Variants in ADAMTSL1 observed in about 807,000 individuals in gnomAD.
ADAMTSL1 encodes ADAMTS-like protein 1.
A neutral mutation model predicts 201.8 loss-of-function variants in ADAMTSL1; 126 were observed. The observed-to-expected ratio is 0.62, with a 90% CI of 0.54 to 0.72. The LOEUF is 0.72. Among genes scored for constraint, ADAMTSL1 ranks in the 30% least tolerant of loss-of-function variants. ADAMTSL1 has a pLI of 0.00. For missense variants in ADAMTSL1, 2,679 were observed against 2,277.8 expected (o/e 1.18, Z -3.59); for synonymous variants, 1,121 against 903.4 (o/e 1.24, Z -4.32).
At chr9:18,368,959 A>G (rs561963389) in intron 2 of ADAMTSL1, among the ~76,000 whole-genome samples, 2 of 152,324 alleles carry the variant, frequency 1.3e-5, no homozygotes, top group Non-Finnish European at 2.9e-5. Flanking sequence ...TTGCCTCCTG[A>G]TTAACTTTGT....
intron 2 of ADAMTSL1, among the ~76,000 whole-genome samples, chr9:18,268,401 G>T (rs568090309): frequency 6.6e-6 from 1 of 152,214 alleles, no homozygotes; most frequent in Non-Finnish European, 1.5e-5. Context: ...AATCACAGCA[G>T]CTGCACAAAA....
chr9:18,021,622 T>A (rs573343328), intron 1 of ADAMTSL1, among the ~76,000 whole-genome samples: 1 of 152,260 alleles, frequency 6.6e-6, no homozygotes, highest in African/African-American at 2.4e-5. Context: ...TAAGGTCTAA[T>A]AAATGTTTAT....
intron 1 of ADAMTSL1, among the ~76,000 whole-genome samples, chr9:18,029,209 G>A (rs1042397093): frequency 6.6e-6 from 1 of 151,992 alleles, no homozygotes; most frequent in Non-Finnish European, 1.5e-5. Flanking sequence ...ATCTGCAAAC[G>A]GACAATTTGA....
At chr9:18,720,370 C>T (rs1331822209) in intron 14 of ADAMTSL1, among the ~76,000 whole-genome samples, 2 of 152,184 alleles carry the variant, frequency 1.3e-5, no homozygotes, top group African/African-American at 4.8e-5. Flanking sequence ...CTGAATGATG[C>T]ATGCCAAGCT....
At chr9:18,239,707 C>A (rs1161283560) in intron 2 of ADAMTSL1, among the ~76,000 whole-genome samples, 1 of 151,912 alleles carries the variant, frequency 6.6e-6, no homozygotes, top group African/African-American at 2.4e-5. Context: ...GAGATCATGC[C>A]ACCGCACTCC....
intron 3 of ADAMTSL1, among the ~76,000 whole-genome samples, chr9:18,553,860 T>C (rs1196025734): frequency 6.6e-6 from 1 of 151,870 alleles, no homozygotes; most frequent in African/African-American, 2.4e-5. Flanking sequence ...GTTCAGTAGT[T>C]AGCTATGATC....
chr9:18,752,874 A>G (rs1279586944), intron 15 of ADAMTSL1, among the ~76,000 whole-genome samples: 1 of 152,154 alleles, frequency 6.6e-6, no homozygotes, highest in Non-Finnish European at 1.5e-5. Context: ...CAAGCATAAA[A>G]TTTTCAGTCT....
chr9:18,105,322 A>C (rs1023877402), intron 1 of ADAMTSL1, among the ~76,000 whole-genome samples: 1 of 152,190 alleles, frequency 6.6e-6, no homozygotes, highest in East Asian at 1.9e-4. Context: ...GACTGACAGC[A>C]TTCTAAAGGA....
chr9:18,675,194 A>T (rs1414312951), intron 9 of ADAMTSL1, among the ~76,000 whole-genome samples: 1 of 152,074 alleles, frequency 6.6e-6, no homozygotes, highest in Non-Finnish European at 1.5e-5. Context: ...GACCACAAAA[A>T]CCCACTTTTC....
intron 3 of ADAMTSL1, among the ~76,000 whole-genome samples, chr9:18,562,110 A>C (rs890217658): frequency 2.0e-5 from 3 of 152,144 alleles, no homozygotes; most frequent in Non-Finnish European, 4.4e-5. Flanking sequence ...CAGTTTCTTC[A>C]TAGTGTCAAT....
intron 2 of ADAMTSL1, among the ~76,000 whole-genome samples, chr9:18,453,564 T>C (rs370358840): frequency 6.6e-6 from 1 of 152,200 alleles, no homozygotes; most frequent in Non-Finnish European, 1.5e-5. Flanking sequence ...CTAAATTATG[T>C]CTTTAAGTCA....
At chr9:18,397,244 G>A (rs1817790172) in intron 2 of ADAMTSL1, among the ~76,000 whole-genome samples, 1 of 152,112 alleles carries the variant, frequency 6.6e-6, no homozygotes, top group Admixed American at 6.6e-5. Context: ...TGAGTTGAGA[G>A]TGCCTTGCTT....
At chr9:18,854,312 G>A (rs768313108) in intron 23 of ADAMTSL1, among the ~76,000 whole-genome samples, 2 of 152,058 alleles carry the variant, frequency 1.3e-5, no homozygotes, top group African/African-American at 4.8e-5. Flanking sequence ...ACAACCGTAG[G>A]TTCCCTGAAA....
At chr9:18,115,621 A>C (rs1825217454) in intron 1 of ADAMTSL1, among the ~76,000 whole-genome samples, 1 of 152,196 alleles carries the variant, frequency 6.6e-6, no homozygotes, top group Non-Finnish European at 1.5e-5. Flanking sequence ...TAGTGACTTT[A>C]TGAATATTAA....
chr9:18,324,014 A>G (rs998794603), intron 2 of ADAMTSL1, among the ~76,000 whole-genome samples: 1 of 152,202 alleles, frequency 6.6e-6, no homozygotes, highest in Non-Finnish European at 1.5e-5. Context: ...GGCTCAGAAG[A>G]GCCTAAAAAC....
intron 1 of ADAMTSL1, among the ~76,000 whole-genome samples, chr9:18,023,281 G>T (rs1476169827): frequency 1.3e-5 from 2 of 152,084 alleles, no homozygotes; most frequent in African/African-American, 4.8e-5. Flanking sequence ...AGCTTTAGTA[G>T]GTCTGGGGTG....
chr9:18,428,690 C>T lies in ADAMTSL1; in HGVS notation c.208-76139C>T, dbSNP rs113002129. 8.9e-3 allele frequency among the ~76,000 whole-genome samples: 1,352 copies of T among 152,264 alleles called. 16 individuals are homozygous for T. The highest frequency in any genetic ancestry group is 0.031 in the African/African-American group (1,271 of 41,548). On this transcript the variant is annotated intron_variant, in intron 2 of 29. Transcript: ENST00000680146. ...TGTAAATAGAAGAAGGCAAATTGTG[C>T]TACATATAAAAATGAGGCAATCTAC... is the stretch of plus-strand genomic sequence containing the variant.
chr9:18,683,345 C>T (rs1487663641), intron 12 of ADAMTSL1, among the ~76,000 whole-genome samples: 5 of 151,750 alleles, frequency 3.3e-5, no homozygotes, highest in Non-Finnish European at 1.5e-5. Flanking sequence ...CTACTTCAGC[C>T]TCCGGAGTAA....
intron 1 of ADAMTSL1, among the ~76,000 whole-genome samples, chr9:17,935,029 A>G (rs1826949120): frequency 6.6e-6 from 1 of 150,980 alleles, no homozygotes; most frequent in African/African-American, 2.4e-5. Flanking sequence ...GTTATTTTCT[A>G]TTTATCTTCT....
Sources: gnomAD v4.1 joint callset for allele counts (sites outside exome capture counted in the v4.1 genomes callset) on GRCh38, gnomAD v4.1.1 for gene constraint, MANE v1.5 for transcripts, NCBI Gene and HGNC (gene_info 2026-07-23, HGNC 2026-07-21) for gene names.